LAMA1: variants seen among roughly 807,000 people sequenced by gnomAD.
The protein encoded by LAMA1 is laminin subunit alpha 1.
In LAMA1, 219 loss-of-function variants were observed where a neutral mutation model predicts 348.7. The observed-to-expected ratio is 0.63, with a 90% CI of 0.56 to 0.70. LAMA1 has a LOEUF of 0.70. LAMA1 is among the 30% of genes least tolerant of loss of function. LAMA1 has a pLI of 0.00. For synonymous variants in LAMA1, 1,487 were observed against 1,491.0 expected (o/e 1.00, Z 0.06); for missense variants, 3,744 against 3,888.0 (o/e 0.96, Z 0.99).
chr18:7,013,960 G>A lies in LAMA1; in HGVS notation c.3218C>T (p.Ala1073Val). ...CQCKSKFGGR[A>V]CDQCSLGYRD... Reference sequence around the variant, plus strand: ...GTAACCCAAGGAACACTGATCGCAGGCCCGGCCACCAAATTTTGACTTGCA... The same window carrying A: ...GTAACCCAAGGAACACTGATCGCAGACCCGGCCACCAAATTTTGACTTGCA... Residue 1073 changes from alanine (A) to valine (V), a missense_variant, in exon 23 of 63, where the codon GCC (alanine) becomes GTC (valine). Physicochemically the swap from Ala to Val is moderately conservative, Grantham distance 64. Coordinates refer to ENST00000389658, the MANE Select transcript of LAMA1 (RefSeq NM_005559.4). 2 of 1,613,888 alleles carry A rather than the reference G, an allele frequency of 1.2e-6. No individual in the cohort carries two copies. Among genetic ancestry groups the A allele is most frequent in the Non-Finnish European group, 1.7e-6 (2 of 1,179,886 alleles).
At chr18:6,963,712 G>C (rs1009017113) in intron 51 of LAMA1, among the ~76,000 whole-genome samples, 5 of 152,202 alleles carry the variant, frequency 3.3e-5, no homozygotes, top group Admixed American at 1.3e-4. Flanking sequence ...CCCACTCCCT[G>C]CAAGCTGTCT....
chr18:6,985,313 T>C lies in LAMA1; in HGVS notation c.5584A>G (p.Arg1862Gly), dbSNP rs773614520. 1.7e-5 allele frequency: 28 copies of C among 1,614,100 alleles called. No homozygotes were observed. Among genetic ancestry groups the C allele is most frequent in the Middle Eastern group, 3.3e-4 (2 of 6,078 alleles). ...CTGTAGACCAGGTCGACTGCGTTCC[T>C]TTGGGACATGTGCATGACCAGGTCA... ...IDDLVMHMSQ[R>G]NAVDLVYRAE... The change falls in exon 39 of 63, where the codon AGG (arginine) becomes GGG (glycine). Residue 1862 changes from arginine to glycine, a missense_variant. Arg to Gly is a moderately radical substitution (Grantham distance 125, BLOSUM62 -2). Around this residue, in one of 3 missense-constraint regions of LAMA1, gnomAD observed 1,983 missense variants for 1,934.3 expected, o/e 1.03. Transcript: ENST00000389658.
Position 6,942,210 on chromosome 18 carries a change from G to A in LAMA1, c.9097C>T (p.Gln3033Ter). ...CTCAAACACCCGCGGAACGAGGTCT[G>A]GCTGCGCAGGCATTTTTGCTTCACA... ...AGVKQKCLRS[Q>*]TSFRGCLRKL... The change falls in exon 63 of 63, where the codon CAG becomes TAG. Residue 3033 changes from glutamine to a stop codon, truncating the protein, a stop_gained. Coordinates refer to ENST00000389658, the MANE Select transcript of LAMA1 (RefSeq NM_005559.4). LOFTEE classifies it low-confidence loss of function (END_TRUNC). The A allele has an allele frequency of 6.2e-7, 1 of 1,614,150 alleles. No individual in the cohort carries two copies. The highest frequency in any genetic ancestry group is 8.5e-7 in the Non-Finnish European group (1 of 1,180,042).
chr18:6,952,292 C>T (rs2057550434), intron 57 of LAMA1, among the ~76,000 whole-genome samples: 1 of 152,174 alleles, frequency 6.6e-6, no homozygotes, highest in Non-Finnish European at 1.5e-5. Flanking sequence ...GGGGGCTCCG[C>T]ACCATGTAGC....
chr18:7,017,227 CAAT>C, intron 20 of LAMA1, 48 bp downstream of exon 20: 1 of 1,423,406 alleles, frequency 7.0e-7, no homozygotes, highest in Non-Finnish European at 9.9e-7. Context: ...GTCATGGATT[CAAT>C]CGCCTCTGTA....
chr18:7,046,850 CT>C (rs897528113), intron 5 of LAMA1, among the ~76,000 whole-genome samples: 7 of 152,094 alleles, frequency 4.6e-5, no homozygotes, highest in Admixed American at 1.3e-4. Flanking sequence ...TAATAGACTT[CT>C]TTTTAGATTT....
chr18:6,958,522 C>T lies in LAMA1; in HGVS notation c.7919G>A (p.Arg2640Lys), dbSNP rs778966360. The change falls in exon 55 of 63, where the codon AGA becomes AAA. Residue 2640 changes from arginine (R) to lysine (K), a missense_variant. By Grantham distance (26) the Arg-to-Lys change is conservative. Around this residue, in one of 3 missense-constraint regions of LAMA1, gnomAD observed 1,983 missense variants for 1,934.3 expected, o/e 1.03. Coordinates refer to ENST00000389658, the MANE Select transcript of LAMA1 (RefSeq NM_005559.4). ...TTTGATACAGCCATGGAACGATCTTCTCATTGTGAGCAGTGACGTCCCCTC... is the reference window on the plus strand; with the variant it reads ...TTTGATACAGCCATGGAACGATCTTTTCATTGTGAGCAGTGACGTCCCCTC... ...EGEGTSLLTM[R>K]RSFHGCIKNL... The T allele has an allele frequency of 4.3e-6, 7 of 1,614,186 alleles. No homozygotes were observed. Among genetic ancestry groups the T allele is most frequent in the Non-Finnish European group, 5.9e-6 (7 of 1,180,036 alleles).
rs549781592 is a variant in LAMA1, at chr18:7,007,350, C to A, written c.4123-74G>T. On this transcript the variant is annotated intron_variant, in intron 28 of 62. Coordinates refer to ENST00000389658, the MANE Select transcript of LAMA1 (RefSeq NM_005559.4). ...TGAAGGACTTGAATAGACACTTCTC[C>A]AAAGGAGACATACAAATGGCCAACA... is the stretch of plus-strand genomic sequence containing the variant. 299 of 1,445,914 alleles carry A rather than the reference C, an allele frequency of 2.1e-4. 4 individuals are homozygous for A. The South Asian group carries it at 3.5e-3, about 17-fold the overall frequency. The allele number at this position is 1,445,914 out of a possible 1,614,324, so 89.6% of individuals were successfully genotyped here. A position where few individuals can be genotyped will look rare whatever the true frequency, so the allele number is the denominator to read the frequency against.
chr18:7,049,302 T>C, intron 4 of LAMA1, 45 bp from the exon 5 acceptor site: 2 of 1,541,624 alleles, frequency 1.3e-6, no homozygotes, highest in Non-Finnish European at 1.8e-6. Flanking sequence ...ATTGTTTATT[T>C]ATTTATTTAT....
At chr18:7,099,583 T>C (rs1027742715) in intron 1 of LAMA1, among the ~76,000 whole-genome samples, 4 of 151,578 alleles carry the variant, frequency 2.6e-5, no homozygotes, top group East Asian at 3.9e-4. Flanking sequence ...AGCTAAATTA[T>C]AAACTTTCCA....
intron 48 of LAMA1, among the ~76,000 whole-genome samples, chr18:6,967,059 T>C (rs1568010984): frequency 6.6e-6 from 1 of 152,220 alleles, no homozygotes; most frequent in African/African-American, 2.4e-5. Flanking sequence ...GGGTAAGAAT[T>C]TGAACTGTTC....
chr18:7,087,442 G>C (rs1436573827), intron 1 of LAMA1, among the ~76,000 whole-genome samples: 1 of 152,174 alleles, frequency 6.6e-6, no homozygotes, highest in African/African-American at 2.4e-5. Flanking sequence ...GAGGATCCTG[G>C]AGGATGGCTT....
chr18:6,950,650 G>T lies in LAMA1; in HGVS notation c.8397+132C>A, dbSNP rs952121896. 11 of 1,030,642 alleles carry T rather than the reference G, an allele frequency of 1.1e-5. No homozygotes were observed. In the African/African-American group the frequency reaches 1.7e-4, roughly 16 times the overall value. 63.8% of individuals were successfully genotyped at this position (1,030,642 alleles called of 1,614,324 possible). On this transcript the variant is annotated intron_variant, in intron 58 of 62. Coordinates refer to ENST00000389658, the MANE Select transcript of LAMA1 (RefSeq NM_005559.4). ...CCTGCCTTCAAGACTTGTAGTCTCTGGGGGAGACACCAGACACACACGGCG... is the reference window on the plus strand; with the variant it reads ...CCTGCCTTCAAGACTTGTAGTCTCTTGGGGAGACACCAGACACACACGGCG...
chr18:6,999,647 A>G lies in LAMA1; in HGVS notation c.4470-9T>C, dbSNP rs776627087. 5.6e-6 allele frequency: 9 copies of G among 1,604,302 alleles called. No homozygotes were observed. The highest frequency in any genetic ancestry group is 7.7e-6 in the Non-Finnish European group (9 of 1,174,784). The stretch of plus-strand genomic sequence containing the variant: ...AATAGCTTGAGGAGCACCTACAGAA[A>G]GGAAGGGACATAGGTGCAGACAGGA... On this transcript the variant is annotated splice_polypyrimidine_tract_variant and intron_variant, in intron 31 of 62. Transcript: ENST00000389658.
intron 1 of LAMA1, among the ~76,000 whole-genome samples, chr18:7,103,588 T>C (rs1389622706): frequency 6.6e-6 from 1 of 151,550 alleles, no homozygotes; most frequent in Non-Finnish European, 1.5e-5. Flanking sequence ...AGATGGGTGG[T>C]GGATCACCTG....
chr18:7,071,084 G>T (rs1323592668), intron 3 of LAMA1, among the ~76,000 whole-genome samples: 2 of 152,270 alleles, frequency 1.3e-5, no homozygotes, highest in Admixed American at 6.5e-5. Flanking sequence ...GGAATTGCAA[G>T]AGCTCTTGCC....
intron 1 of LAMA1, among the ~76,000 whole-genome samples, chr18:7,111,113 G>A (rs2058334290): frequency 6.6e-6 from 1 of 152,092 alleles, no homozygotes; most frequent in Non-Finnish European, 1.5e-5. Context: ...CAATACAGGA[G>A]GTTCTCTGGC....
chr18:7,098,248 T>A (rs1265450701), intron 1 of LAMA1, among the ~76,000 whole-genome samples: 116 of 149,716 alleles, frequency 7.7e-4, no homozygotes, highest in African/African-American at 2.8e-3. Context: ...GTGCCGAGAT[T>A]GCAGCCTCTG....
intron 1 of LAMA1, among the ~76,000 whole-genome samples, chr18:7,099,069 G>C (rs867337425): frequency 2.0e-5 from 3 of 151,856 alleles, no homozygotes; most frequent in African/African-American, 7.3e-5. Context: ...GATGGTTGCC[G>C]TGTCTGTGTA....
Sources: gnomAD v4.1 joint callset for allele counts (sites outside exome capture counted in the v4.1 genomes callset) on GRCh38, gnomAD v4.1.1 for gene constraint, gnomAD v4.1.1 regional missense constraint, MANE v1.5 for transcripts, NCBI Gene and HGNC (gene_info 2026-07-23, HGNC 2026-07-21) for gene names.